RORA: variants seen among roughly 807,000 people sequenced by gnomAD.
The protein encoded by RORA is nuclear receptor ROR-alpha.
Under a neutral mutation model 69.5 loss-of-function variants are expected in RORA, and 7 were observed. That is an observed-to-expected ratio of 0.10 (90% confidence interval 0.06 to 0.19). The LOEUF (loss-of-function observed/expected upper bound fraction) is 0.19, where lower values mean the gene tolerates loss of function less well. RORA is among the 10% of genes least tolerant of loss of function. The pLI is 1.00. For missense variants in RORA, 457 were observed against 663.0 expected (o/e 0.69, Z 3.41); for synonymous variants, 261 against 240.8 (o/e 1.08, Z -0.78).
intron 1 of RORA, among the ~76,000 whole-genome samples, chr15:60,889,706 A>G (rs1027709094): frequency 6.6e-6 from 1 of 152,220 alleles, no homozygotes; most frequent in African/African-American, 2.4e-5. Flanking sequence ...CCCCCAAGTT[A>G]AAATGTTGAA....
intron 2 of RORA, among the ~76,000 whole-genome samples, chr15:60,646,886 AG>A (rs1274296555): frequency 1.3e-5 from 2 of 152,210 alleles, no homozygotes; most frequent in Admixed American, 6.5e-5. Context: ...CCGGCTTCAC[AG>A]GGTGGCTGCG....
chr15:60,883,148 AAAAGAAAGAGAG>A (rs2073708076), intron 1 of RORA, among the ~76,000 whole-genome samples: 2 of 39,020 alleles, frequency 5.1e-5, no homozygotes, highest in African/African-American at 1.5e-4. Flanking sequence ...AAAAAAAAAA[AAAAGAAAGAGAG>A]AGAGAGAGAG....
At chr15:60,563,214 A>G (rs910398827) in intron 2 of RORA, among the ~76,000 whole-genome samples, 2 of 152,232 alleles carry the variant, frequency 1.3e-5, no homozygotes, top group African/African-American at 2.4e-5. Flanking sequence ...ATATTTGCTT[A>G]GCATCCACTA....
intron 1 of RORA, among the ~76,000 whole-genome samples, chr15:60,836,258 G>A (rs921312845): frequency 2.6e-5 from 4 of 152,192 alleles, no homozygotes; most frequent in Non-Finnish European, 5.9e-5. Flanking sequence ...AAAGATCTGG[G>A]CTGGCCACAT....
intron 1 of RORA, among the ~76,000 whole-genome samples, chr15:61,086,500 C>A (rs916093258): frequency 1.3e-5 from 2 of 152,082 alleles, no homozygotes; most frequent in African/African-American, 4.8e-5. Flanking sequence ...TGAGTCACTG[C>A]TACTAAGAAT....
At chr15:60,921,432 A>G (rs1892044557) in intron 1 of RORA, among the ~76,000 whole-genome samples, 1 of 152,254 alleles carries the variant, frequency 6.6e-6, no homozygotes, top group African/African-American at 2.4e-5. Context: ...ATAAAAGAGT[A>G]CATAGCACAT....
Position 61,114,347 on chromosome 15 carries a change from T to TA in RORA, c.166+114705dup, listed in dbSNP as rs780884498. ...TTAATGCTCAGGTAAGTTTTAGCTTTAAAAAACTTGGTGGGGAAAAAGACC... is the reference window on the plus strand; with the variant it reads ...TTAATGCTCAGGTAAGTTTTAGCTTTAAAAAAACTTGGTGGGGAAAAAGACC... On this transcript the variant is annotated intron_variant, in intron 1 of 10. Transcript: ENST00000335670. 1.8e-3 allele frequency among the ~76,000 whole-genome samples: 268 copies of TA among 152,284 alleles called. 2 individuals carry two copies. The highest frequency in any genetic ancestry group is 1.5e-3 in the Non-Finnish European group (104 of 68,018).
intron 1 of RORA, among the ~76,000 whole-genome samples, chr15:60,781,837 A>G (rs117021912): frequency 0.052 from 7,934 of 152,252 alleles, 306 homozygotes; most frequent in South Asian, 0.083. Flanking sequence ...ACAATCTTCA[A>G]ATCCCAGATT....
chr15:60,812,330 C>T (rs2072755845), intron 1 of RORA, among the ~76,000 whole-genome samples: 1 of 151,942 alleles, frequency 6.6e-6, no homozygotes, highest in African/African-American at 2.4e-5. Context: ...ATACTGAGAC[C>T]CCATCTCTAC....
chr15:60,971,041 C>T (rs1893698261), intron 1 of RORA, among the ~76,000 whole-genome samples: 1 of 152,108 alleles, frequency 6.6e-6, no homozygotes, highest in African/African-American at 2.4e-5. Flanking sequence ...CAGAGAAGTA[C>T]TTTCTTTGTT....
intron 1 of RORA, among the ~76,000 whole-genome samples, chr15:61,041,608 G>C (rs926429599): frequency 1.3e-5 from 2 of 151,810 alleles, no homozygotes; most frequent in African/African-American, 2.4e-5. Context: ...ATCCAGGCTG[G>C]AGTGCACTGG....
chr15:61,228,537 C>G (rs1254722262), intron 1 of RORA, among the ~76,000 whole-genome samples: 4 of 144,002 alleles, frequency 2.8e-5, no homozygotes, highest in Admixed American at 6.8e-5. Flanking sequence ...TCCCGCCCCC[C>G]GCCCAGATCT....
At chr15:60,815,602 T>A (rs1023835548) in intron 1 of RORA, among the ~76,000 whole-genome samples, 1 of 151,926 alleles carries the variant, frequency 6.6e-6, no homozygotes, top group South Asian at 2.1e-4. Context: ...CTTCCCCCAC[T>A]GCAGCCAGAG....
At chr15:60,597,609 TATATATATACATAC>T (rs1567115580) in intron 2 of RORA, among the ~76,000 whole-genome samples, 17 of 45,098 alleles carry the variant, frequency 3.8e-4, no homozygotes, top group African/African-American at 7.5e-4. Flanking sequence ...TATATATATA[TATATATATACATAC>T]ATATATATAC....
At chr15:60,727,737 C>T (rs754234063) in intron 1 of RORA, among the ~76,000 whole-genome samples, 7 of 152,146 alleles carry the variant, frequency 4.6e-5, no homozygotes, top group East Asian at 3.9e-4. Context: ...AACCGGCCAT[C>T]GCTCTTATCC....
At chr15:60,826,027 G>C (rs2072950589) in intron 1 of RORA, among the ~76,000 whole-genome samples, 1 of 152,118 alleles carries the variant, frequency 6.6e-6, no homozygotes, top group Non-Finnish European at 1.5e-5. Flanking sequence ...AACAATTTAA[G>C]CCTTCACTAG....
At chr15:60,789,383 C>T (rs1049127622) in intron 1 of RORA, among the ~76,000 whole-genome samples, 4 of 152,260 alleles carry the variant, frequency 2.6e-5, no homozygotes, top group Admixed American at 6.5e-5. Context: ...TGTAACTTTG[C>T]TCAAGCTGTT....
chr15:60,668,077 G>A (rs1330077321), intron 2 of RORA, among the ~76,000 whole-genome samples: 1 of 152,174 alleles, frequency 6.6e-6, no homozygotes, highest in African/African-American at 2.4e-5. Context: ...CAGGGGCAGA[G>A]TTTGTGACAG....
chr15:61,192,188 G>T (rs2079806816), intron 1 of RORA, among the ~76,000 whole-genome samples: 1 of 152,352 alleles, frequency 6.6e-6, no homozygotes, highest in East Asian at 1.9e-4. Context: ...ATAATGCGGA[G>T]GACTTGACCA....
Sources: allele counts gnomAD v4.1 joint callset (sites outside exome capture counted in the v4.1 genomes callset), GRCh38; gene constraint gnomAD v4.1.1; transcripts MANE v1.5; gene names NCBI Gene and HGNC (gene_info 2026-07-23, HGNC 2026-07-21).